Variants in PCDH15 observed in about 807,000 individuals in gnomAD.
PCDH15 encodes protocadherin related 15.
PCDH15 carries 129 observed loss-of-function variants against 178.5 expected under a neutral mutation model. That is an observed-to-expected ratio of 0.72 (90% CI 0.63 to 0.84). The LOEUF is 0.84. PCDH15 is among the 40% of genes least tolerant of loss of function. PCDH15 has a pLI of 0.00. For missense variants in PCDH15, 2,230 were observed against 2,099.9 expected (o/e 1.06, Z -1.21); for synonymous variants, 800 against 732.0 (o/e 1.09, Z -1.50).
chr10:55,428,833 T>C (rs1838818238), intron 2 of PCDH15, among the ~76,000 whole-genome samples: 1 of 151,992 alleles, frequency 6.6e-6, no homozygotes, highest in African/African-American at 2.4e-5. Flanking sequence ...TATTATATTT[T>C]ATTTCCTTTA....
chr10:54,275,569 G>C (rs1385919148), intron 8 of PCDH15, among the ~76,000 whole-genome samples: 1 of 151,792 alleles, frequency 6.6e-6, no homozygotes, highest in Non-Finnish European at 1.5e-5. Flanking sequence ...AACAGGAAAT[G>C]TCCAAGTCAT....
intron 2 of PCDH15, among the ~76,000 whole-genome samples, chr10:55,083,673 C>T (rs1842097172): frequency 6.6e-6 from 1 of 151,778 alleles, no homozygotes; most frequent in South Asian, 2.1e-4. Flanking sequence ...AACCTAAAGA[C>T]TTCATACAAT....
intron 1 of PCDH15, among the ~76,000 whole-genome samples, chr10:54,746,821 G>A (rs998126418): frequency 6.6e-6 from 1 of 152,180 alleles, no homozygotes; most frequent in Admixed American, 6.5e-5. Flanking sequence ...GGCTTATGGG[G>A]CAAAGTCCAG....
chr10:53,965,339 T>C (rs2088894060), intron 21 of PCDH15, among the ~76,000 whole-genome samples: 1 of 152,190 alleles, frequency 6.6e-6, no homozygotes, highest in Non-Finnish European at 1.5e-5. Flanking sequence ...ATTACAGGCG[T>C]AAGCCACCGC....
intron 8 of PCDH15, among the ~76,000 whole-genome samples, chr10:54,279,534 T>G (rs997067): frequency 0.6 from 90,876 of 151,270 alleles, 28,373 homozygotes; most frequent in Middle Eastern, 0.78. Flanking sequence ...ACAAGAAAAC[T>G]ACTTTACTTT....
chr10:55,120,427 A>G (rs933665890), intron 2 of PCDH15, among the ~76,000 whole-genome samples: 1 of 152,200 alleles, frequency 6.6e-6, no homozygotes, highest in Non-Finnish European at 1.5e-5. Flanking sequence ...AAGAGTCCCA[A>G]TTCCTTGGGA....
chr10:53,835,611 A>G (rs1040913740), intron 29 of PCDH15, among the ~76,000 whole-genome samples: 4 of 152,102 alleles, frequency 2.6e-5, no homozygotes, highest in Middle Eastern at 3.2e-3. Flanking sequence ...CCTTTGGCAG[A>G]AAAGGTTAAA....
At chr10:54,441,885 GA>G (rs1389572403) in intron 3 of PCDH15, among the ~76,000 whole-genome samples, 6 of 151,700 alleles carry the variant, frequency 4.0e-5, no homozygotes, top group Admixed American at 1.3e-4. Flanking sequence ...ATTGGCTAAT[GA>G]AATAAACTTG....
chr10:55,463,124 A>G (rs1019269143), intron 2 of PCDH15, among the ~76,000 whole-genome samples: 4 of 151,906 alleles, frequency 2.6e-5, no homozygotes, highest in African/African-American at 9.6e-5. Flanking sequence ...AAAACAACCA[A>G]CCAACAAACA....
intron 21 of PCDH15, among the ~76,000 whole-genome samples, chr10:53,978,360 G>A (rs923804723): frequency 6.6e-6 from 1 of 152,152 alleles, no homozygotes; most frequent in South Asian, 2.1e-4. Context: ...CTAGGATTGA[G>A]AATTGCATCT....
chr10:55,558,632 T>G (rs962850215), intron 2 of PCDH15, among the ~76,000 whole-genome samples: 8 of 152,158 alleles, frequency 5.3e-5, no homozygotes, highest in Non-Finnish European at 8.8e-5. Context: ...TTTATTAGCT[T>G]TATACAATTT....
At chr10:55,162,764 T>C (rs1276252389) in intron 2 of PCDH15, among the ~76,000 whole-genome samples, 2 of 152,090 alleles carry the variant, frequency 1.3e-5, no homozygotes, top group African/African-American at 4.8e-5. Context: ...TGTCTTCCTA[T>C]TGTCAATGGA....
chr10:54,174,663 G>A (rs1190688992), intron 13 of PCDH15, among the ~76,000 whole-genome samples: 1 of 147,864 alleles, frequency 6.8e-6, no homozygotes, highest in African/African-American at 2.5e-5. Context: ...GGAAGGTGTT[G>A]CTATTTTCTT....
At chr10:54,027,095 C>G (rs1467371470) in intron 18 of PCDH15, among the ~76,000 whole-genome samples, 2 of 145,662 alleles carry the variant, frequency 1.4e-5, no homozygotes, top group African/African-American at 5.3e-5. Context: ...AGCAAAGTCT[C>G]AGGATACAAA....
In PCDH15 at chr10:53,888,298, A is replaced by ATG. The variant is rs1326807108; in HGVS notation, c.3501+14944_3501+14945insCA. ...ATTCCAACACTATATATACATATATATATATATATATGTATATATGTACGT... is the reference window on the plus strand; with the variant it reads ...ATTCCAACACTATATATACATATATATGTATATATATATGTATATATGTACGT... On this transcript the variant is annotated intron_variant, in intron 26 of 37. Coordinates refer to ENST00000644397, the MANE Select transcript of PCDH15 (RefSeq NM_001384140.1). Among the ~76,000 whole-genome samples, 49 of 75,400 alleles carry ATG rather than the reference A, an allele frequency of 6.5e-4. 1 individual carries two copies. The highest frequency in any genetic ancestry group is 1.4e-3 in the African/African-American group (27 of 19,204). 49.5% of individuals were successfully genotyped at this position (75,400 alleles called of 152,430 possible).
chr10:53,909,067 T>A (rs755286826), intron 25 of PCDH15, among the ~76,000 whole-genome samples: 1 of 152,182 alleles, frequency 6.6e-6, no homozygotes, highest in African/African-American at 2.4e-5. Context: ...TCTTGAACTA[T>A]AATCCTCACG....
At chr10:53,868,157 G>A (rs2079582275) in intron 26 of PCDH15, among the ~76,000 whole-genome samples, 1 of 151,620 alleles carries the variant, frequency 6.6e-6, no homozygotes, top group Non-Finnish European at 1.5e-5. Flanking sequence ...CTTGATAAAA[G>A]ACTATATATA....
At chr10:54,174,255 G>C (rs938595192) in intron 13 of PCDH15, among the ~76,000 whole-genome samples, 3 of 152,044 alleles carry the variant, frequency 2.0e-5, no homozygotes. Context: ...AATTAAGGCC[G>C]GGCGTGGTGG....
In PCDH15 at chr10:54,022,728, A is replaced by G. The variant is rs1203006085; in HGVS notation, c.2526+164T>C. The stretch of plus-strand genomic sequence containing the variant: ...TTAAAGTAGGCTTGCCACATAAAAT[A>G]CAATATGCAATATTGGAGAAATAAT... On this transcript the variant is annotated intron_variant, in intron 19 of 37. Transcript: ENST00000644397. Among the ~76,000 whole-genome samples, 5 of 152,184 alleles carry G rather than the reference A, an allele frequency of 3.3e-5. No individual in the cohort carries two copies. The South Asian group carries it at 8.3e-4, about 25-fold the overall frequency.
Sources: allele counts gnomAD v4.1 joint callset (sites outside exome capture counted in the v4.1 genomes callset), GRCh38; gene constraint gnomAD v4.1.1; transcripts MANE v1.5; gene names NCBI Gene and HGNC (gene_info 2026-07-23, HGNC 2026-07-21).